Variants in DPF3 observed in about 807,000 individuals in gnomAD.
DPF3 encodes double PHD fingers 3.
A neutral mutation model predicts 56.8 loss-of-function variants in DPF3; 18 were observed. That is an observed-to-expected ratio of 0.32 (90% CI 0.22 to 0.47). The LOEUF is 0.47. DPF3 is among the 20% of genes least tolerant of loss of function. The pLI is 1.00. For synonymous variants in DPF3, 188 were observed against 180.2 expected (o/e 1.04, Z -0.35); for missense variants, 403 against 488.8 (o/e 0.82, Z 1.65).
At chr14:72,690,546 GCACA>G (rs1438484577) in intron 7 of DPF3, among the ~76,000 whole-genome samples, 2 of 149,042 alleles carry the variant, frequency 1.3e-5, no homozygotes, top group Non-Finnish European at 3.0e-5. Context: ...CAAACAACAC[GCACA>G]CACATGCACG....
intron 1 of DPF3, among the ~76,000 whole-genome samples, chr14:72,867,328 T>G (rs976478248): frequency 6.6e-6 from 1 of 152,156 alleles, no homozygotes; most frequent in African/African-American, 2.4e-5. Context: ...TTTTTAACTG[T>G]GAGGCCTGAG....
intron 1 of DPF3, among the ~76,000 whole-genome samples, chr14:72,845,918 C>CA (rs1567253938): frequency 6.6e-6 from 1 of 152,114 alleles, no homozygotes. Flanking sequence ...GTCAGTGCAG[C>CA]ACCCGGCAGG....
chr14:72,699,034 A>C (rs1405000549), intron 6 of DPF3, among the ~76,000 whole-genome samples: 3 of 152,208 alleles, frequency 2.0e-5, no homozygotes, highest in Admixed American at 2.0e-4. Context: ...AAATGAGTTG[A>C]GTTCACCTAA....
At chr14:72,706,211 C>T (rs1373821089) in intron 6 of DPF3, among the ~76,000 whole-genome samples, 1 of 152,204 alleles carries the variant, frequency 6.6e-6, no homozygotes, top group Non-Finnish European at 1.5e-5. Flanking sequence ...CCCCTGGGCA[C>T]ACCCATCCAC....
chr14:72,688,936 CAAGGGCACACAGGA>C (rs1469984585), intron 7 of DPF3, among the ~76,000 whole-genome samples: 1 of 152,058 alleles, frequency 6.6e-6, no homozygotes, highest in African/African-American at 2.4e-5. Flanking sequence ...GGCAGAGAGG[CAAGGGCACACAGGA>C]AAGGGGACAA....
chr14:72,836,147 T>G (rs1884284390), intron 1 of DPF3: 1 of 985,896 alleles, frequency 1.0e-6, no homozygotes, highest in Non-Finnish European at 1.2e-6. Context: ...AACAGGAGGC[T>G]GATCATTGTG....
chr14:72,696,334 A>T (rs1448680474), intron 6 of DPF3, among the ~76,000 whole-genome samples: 1 of 152,032 alleles, frequency 6.6e-6, no homozygotes, highest in Non-Finnish European at 1.5e-5. Context: ...ATTCCCAATA[A>T]CTCTAGAAGG....
chr14:72,758,549 C>T (rs954890325), intron 2 of DPF3, among the ~76,000 whole-genome samples: 2 of 152,130 alleles, frequency 1.3e-5, no homozygotes, highest in Non-Finnish European at 2.9e-5. Flanking sequence ...TTCAGCTTAG[C>T]GTTGATCCAT....
intron 6 of DPF3, among the ~76,000 whole-genome samples, chr14:72,697,761 T>A (rs1887966477): frequency 6.6e-6 from 1 of 152,192 alleles, no homozygotes; most frequent in Non-Finnish European, 1.5e-5. Context: ...TGAGGACTTG[T>A]GCATGGAGAG....
chr14:72,681,202 G>C (rs899248210), intron 7 of DPF3, among the ~76,000 whole-genome samples: 23 of 152,232 alleles, frequency 1.5e-4, no homozygotes, highest in Non-Finnish European at 2.9e-4. Context: ...CAGGCAAAGG[G>C]AAGTTAATGA....
At chr14:72,636,162 T>A (rs1293430427) in intron 8 of DPF3, among the ~76,000 whole-genome samples, 1 of 152,138 alleles carries the variant, frequency 6.6e-6, no homozygotes, top group African/African-American at 2.4e-5. Flanking sequence ...CAACCCAAAA[T>A]AGCGCCAAAA....
chr14:72,744,582 G>A (rs1366958384), intron 3 of DPF3, among the ~76,000 whole-genome samples: 2 of 152,126 alleles, frequency 1.3e-5, no homozygotes, highest in East Asian at 3.9e-4. Context: ...CTGTGGCACT[G>A]TCCTCAGATC....
intron 2 of DPF3, 51 bp downstream of exon 2, chr14:72,771,682 T>G: frequency 1.3e-6 from 2 of 1,564,476 alleles, no homozygotes. Flanking sequence ...TCCTCCTCCC[T>G]CCAGGCTGGG....
chr14:72,752,293 G>A (rs1205003935), intron 3 of DPF3, among the ~76,000 whole-genome samples: 1 of 152,290 alleles, frequency 6.6e-6, no homozygotes, highest in Admixed American at 6.5e-5. Flanking sequence ...TAAAGCTAAG[G>A]GCCTGGGGTA....
chr14:72,742,266 T>C (rs576388805), intron 3 of DPF3, among the ~76,000 whole-genome samples: 126 of 152,230 alleles, frequency 8.3e-4, no homozygotes, highest in African/African-American at 2.3e-3. Flanking sequence ...TTCCCCCTGA[T>C]GCACTTGAAG....
At chr14:72,756,038 G>A (rs1890775636) in intron 2 of DPF3, among the ~76,000 whole-genome samples, 1 of 152,172 alleles carries the variant, frequency 6.6e-6, no homozygotes, top group South Asian at 2.1e-4. Context: ...TGGAGGTGGG[G>A]AAGGAGGATG....
intron 1 of DPF3, among the ~76,000 whole-genome samples, chr14:72,819,150 C>A (rs1025012659): frequency 6.6e-6 from 1 of 152,196 alleles, no homozygotes; most frequent in African/African-American, 2.4e-5. Flanking sequence ...CAGTAAGCTA[C>A]CGTTCACACC....
chr14:72,801,475 G>A (rs1364954350), intron 1 of DPF3, among the ~76,000 whole-genome samples: 1 of 152,214 alleles, frequency 6.6e-6, no homozygotes, highest in African/African-American at 2.4e-5. Flanking sequence ...GAGTCATACA[G>A]AACCACACTG....
In DPF3 at chr14:72,670,851, C is replaced by G. The variant is rs576667817; in HGVS notation, c.871+3389G>C. On this transcript the variant is annotated intron_variant, in intron 8 of 10. Transcript: ENST00000556509. ...AGAAAAGAGACAATCCGTCTAACTTCCTATTTCTATGGAAAATAAATAGCG... is the reference window on the plus strand; with the variant it reads ...AGAAAAGAGACAATCCGTCTAACTTGCTATTTCTATGGAAAATAAATAGCG... 66 of 1,172,186 alleles carry G rather than the reference C, an allele frequency of 5.6e-5. No individual in the cohort carries two copies. The East Asian group carries it at 3.3e-3, about 59-fold the overall frequency. 72.6% of individuals were successfully genotyped at this position (1,172,186 alleles called of 1,614,324 possible). A position where few individuals can be genotyped will look rare whatever the true frequency, so the allele number is the denominator to read the frequency against.
Sources: gnomAD v4.1 joint callset for allele counts (sites outside exome capture counted in the v4.1 genomes callset) on GRCh38, gnomAD v4.1.1 for gene constraint, MANE v1.5 for transcripts, NCBI Gene and HGNC (gene_info 2026-07-23, HGNC 2026-07-21) for gene names.